Variants in IAH1 observed in about 807,000 individuals in gnomAD.
IAH1 encodes isoamyl acetate hydrolyzing esterase 1 (putative), also known as isoamyl acetate-hydrolyzing esterase 1 homolog.
IAH1 carries 24 observed loss-of-function variants against 26.7 expected under a neutral mutation model. The ratio of observed to expected loss-of-function variants is 0.90; its 90% CI spans 0.65 to 1.26. The LOEUF is 1.26. Among genes scored for constraint, IAH1 ranks in the 50% most tolerant of loss-of-function variants. IAH1 has a pLI of 0.00. For synonymous variants in IAH1, 140 were observed against 118.5 expected (o/e 1.18, Z -1.18); for missense variants, 300 against 299.9 (o/e 1.00, Z 0.00).
intron 6 of IAH1, chr2:9,494,971 G>C: frequency 2.2e-6 from 1 of 457,062 alleles, no homozygotes; most frequent in East Asian, 3.6e-5. Context: ...GAGGCCACAA[G>C]GTTTAAAAAA....
intron 6 of IAH1, among the ~76,000 whole-genome samples, chr2:9,495,259 C>T (rs940827654): frequency 4.6e-5 from 7 of 152,232 alleles, no homozygotes; most frequent in Non-Finnish European, 7.3e-5. Flanking sequence ...CAAAGCTCCA[C>T]AACTCCTCCC....
chr2:9,476,587 G>A lies in IAH1; in HGVS notation c.134+548G>A, dbSNP rs185198920. Among the ~76,000 whole-genome samples the A allele has an allele frequency of 4.4e-3, 664 of 152,326 alleles. 6 individuals carry two copies. The highest frequency in any genetic ancestry group is 0.037 in the Middle Eastern group (11 of 294). On this transcript the variant is annotated intron_variant, in intron 2 of 5. Coordinates refer to ENST00000497473, the MANE Select transcript of IAH1 (RefSeq NM_001039613.3). ...GTGGGCTGAGTCTGAAAAGAGCAAA[G>A]GGAGATGGGTAGGGCAGTACTATAG...
Position 9,489,469 on chromosome 2 carries a change from A to G in IAH1, c.*1140A>G, listed in dbSNP as rs1661905892. ...TAAAATACAGAAAAACTGCCCAGCA[A>G]ATCAGGGCCCTAAACAGTTGGTAGA... is the stretch of plus-strand genomic sequence containing the variant. On this transcript the variant is annotated 3_prime_UTR_variant, in exon 6 of 6. Coordinates refer to ENST00000497473, the MANE Select transcript of IAH1 (RefSeq NM_001039613.3). The G allele has an allele frequency of 6.6e-6, 1 of 152,152 alleles. No homozygotes were observed. Among genetic ancestry groups the G allele is most frequent in the Non-Finnish European group, 1.5e-5 (1 of 67,996 alleles). 9.4% of individuals were successfully genotyped at this position (152,152 alleles called of 1,614,324 possible). A position where few individuals can be genotyped will look rare whatever the true frequency, so the allele number is the denominator to read the frequency against.
downstream of IAH1, chr2:9,497,240 T>C (rs1662678093): frequency 6.2e-7 from 1 of 1,614,136 alleles, no homozygotes; most frequent in South Asian, 1.1e-5. Flanking sequence ...GGGCACTCAC[T>C]GCTATTACCT....
In IAH1 at chr2:9,484,695, A is replaced by AG; in HGVS notation, c.564+149dup. On this transcript the variant is annotated intron_variant, in intron 5 of 5. Coordinates refer to ENST00000497473, the MANE Select transcript of IAH1 (RefSeq NM_001039613.3). ...CAATGAAAACAAACAGGCTTGGGGG[A>AG]GGGGAGGAATGGAGGTTCCAGGATG... The AG allele has an allele frequency of 6.7e-6, 4 of 598,900 alleles. No individual in the cohort carries two copies. In the East Asian group the frequency reaches 1.2e-4, roughly 17 times the overall value. The allele number at this position is 598,900 out of a possible 1,614,324, so 37.1% of individuals were successfully genotyped here.
downstream of IAH1, among the ~76,000 whole-genome samples, chr2:9,500,498 C>T (rs2124986620): frequency 6.6e-6 from 1 of 152,216 alleles, no homozygotes; most frequent in Admixed American, 6.5e-5. Context: ...CTGCATAAAT[C>T]TGAATATACT....
chr2:9,497,966 A>C (rs979466750), downstream of IAH1, among the ~76,000 whole-genome samples: 2 of 152,110 alleles, frequency 1.3e-5, no homozygotes, highest in Admixed American at 6.5e-5. Context: ...AAATCTATTA[A>C]GTTATCTCCA....
the IAH1 span, chr2:9,509,946 A>G: frequency 6.2e-7 from 1 of 1,611,620 alleles, no homozygotes; most frequent in Non-Finnish European, 8.5e-7. Context: ...GCCTCTTTCC[A>G]AACCACATAA....
chr2:9,484,564 C>T lies in IAH1; in HGVS notation c.564+14C>T, dbSNP rs1249627623. On this transcript the variant is annotated intron_variant, in intron 5 of 5. Coordinates refer to ENST00000497473, the MANE Select transcript of IAH1 (RefSeq NM_001039613.3). ...CAGGACAGCCAGGTACGGTGGCTTG[C>T]TCGGTCCTCTCGGGGTAAATAGGAT... 3 of 1,533,448 alleles carry T rather than the reference C, an allele frequency of 2.0e-6. No homozygotes were observed. Among genetic ancestry groups the T allele is most frequent in the Non-Finnish European group, 2.7e-6 (3 of 1,108,622 alleles). 95.0% of individuals were successfully genotyped at this position (1,533,448 alleles called of 1,614,324 possible).
At chr2:9,475,701 A>G (rs546883442) in intron 1 of IAH1, 14 of 456,568 alleles carry the variant, frequency 3.1e-5, no homozygotes, top group African/African-American at 6.0e-5. Flanking sequence ...GGGTTTCGCC[A>G]TGTTGACCAG....
chr2:9,491,180 C>G, downstream of IAH1: 2 of 1,596,946 alleles, frequency 1.3e-6, no homozygotes, highest in Non-Finnish European at 1.7e-6. Context: ...AAGGTCATTC[C>G]CTACAAATAC....
chr2:9,506,509 G>A, the IAH1 span, among the ~76,000 whole-genome samples: 14 of 152,002 alleles, frequency 9.2e-5, no homozygotes, highest in East Asian at 1.9e-3. Context: ...TAGGACTACA[G>A]GTGCATGCCA....
chr2:9,506,408 C>G, the IAH1 span, among the ~76,000 whole-genome samples: 1 of 141,082 alleles, frequency 7.1e-6, no homozygotes, highest in African/African-American at 2.7e-5. Flanking sequence ...TGCTCTGTCA[C>G]CAGGCTGGAC....
At chr2:9,487,326 C>G (rs1414016822) in intron 5 of IAH1, 3 of 152,164 alleles carry the variant, frequency 2.0e-5, no homozygotes, top group Non-Finnish European at 4.4e-5. Context: ...CCAGCAATTA[C>G]TGTTCTAGGT....
chr2:9,508,845 G>A, the IAH1 span, among the ~76,000 whole-genome samples: 1 of 152,136 alleles, frequency 6.6e-6, no homozygotes, highest in East Asian at 1.9e-4. Flanking sequence ...CAGGTTGGAA[G>A]AGTAGACAAA....
downstream of IAH1, among the ~76,000 whole-genome samples, chr2:9,498,203 TTC>T (rs1662761838): frequency 6.6e-6 from 1 of 152,048 alleles, no homozygotes; most frequent in African/African-American, 2.4e-5. Context: ...CTAATTTTCT[TTC>T]TTTTTTTTTG....
intron 5 of IAH1, chr2:9,486,737 G>C (rs1205355366): frequency 6.6e-6 from 1 of 151,974 alleles, no homozygotes; most frequent in African/African-American, 2.4e-5. Flanking sequence ...GCTGAGGCAG[G>C]AGAATCACCT....
At chr2:9,477,031 GCTA>G (rs1304901351) in intron 2 of IAH1, among the ~76,000 whole-genome samples, 1 of 152,124 alleles carries the variant, frequency 6.6e-6, no homozygotes, top group Non-Finnish European at 1.5e-5. Context: ...ACAGGCACTC[GCTA>G]CCACACCCAG....
At chr2:9,477,763 C>T (rs1022910073) in intron 2 of IAH1, among the ~76,000 whole-genome samples, 10 of 151,372 alleles carry the variant, frequency 6.6e-5, no homozygotes, top group Non-Finnish European at 1.3e-4. Flanking sequence ...TGAAACACAA[C>T]GAATGTATTT....
Sources: allele counts gnomAD v4.1 joint callset (sites outside exome capture counted in the v4.1 genomes callset), GRCh38; gene constraint gnomAD v4.1.1; transcripts MANE v1.5; gene names NCBI Gene and HGNC (gene_info 2026-07-23, HGNC 2026-07-21).